Variants in SNX18 observed in about 807,000 individuals in gnomAD.
SNX18 encodes sorting nexin 18.
Under a neutral mutation model 48.7 loss-of-function variants are expected in SNX18, and 35 were observed. The ratio of observed to expected loss-of-function variants is 0.72; its 90% confidence interval spans 0.55 to 0.95. SNX18 has a LOEUF of 0.95. Ranked by LOEUF, SNX18 falls within the 40% of genes least tolerant of loss-of-function variation. SNX18 has a pLI of 0.00. For synonymous variants in SNX18, 492 were observed against 384.7 expected, an observed-to-expected ratio of 1.28 and a Z score of -3.26; for missense variants, 824 against 871.0, an observed-to-expected ratio of 0.95 and a Z score of 0.68.
intron 1 of SNX18, among the ~76,000 whole-genome samples, chr5:54,540,571 A>G (rs982703340): frequency 1.4e-5 from 2 of 142,794 alleles, no homozygotes; most frequent in Non-Finnish European, 1.6e-5. Flanking sequence ...GTAATTCTAT[A>G]TAACACAGTG....
the SNX18 span, among the ~76,000 whole-genome samples, chr5:54,617,193 C>G: frequency 6.6e-6 from 1 of 152,240 alleles, no homozygotes; most frequent in East Asian, 1.9e-4. Context: ...AAGGCCTCTC[C>G]TTTCCATGGG....
intron 1 of SNX18, among the ~76,000 whole-genome samples, chr5:54,525,188 A>G (rs185796819): frequency 6.0e-4 from 92 of 152,332 alleles, no homozygotes; most frequent in Admixed American, 1.8e-3. Context: ...ATTAAATGTT[A>G]TAGTTCATAG....
downstream of SNX18, among the ~76,000 whole-genome samples, chr5:54,547,203 C>T (rs770341599): frequency 1.4e-4 from 21 of 152,140 alleles, no homozygotes; most frequent in Non-Finnish European, 2.6e-4. Flanking sequence ...AAATCACCTA[C>T]GGTTTGGGGA....
intron 1 of SNX18, among the ~76,000 whole-genome samples, chr5:54,537,055 C>T (rs1446413683): frequency 6.6e-6 from 1 of 152,118 alleles, no homozygotes; most frequent in East Asian, 1.9e-4. Flanking sequence ...TCAGGCTGGG[C>T]GCTGCAGCTT....
chr5:54,522,069 C>T (rs771312445), intron 1 of SNX18, among the ~76,000 whole-genome samples: 31 of 152,160 alleles, frequency 2.0e-4, no homozygotes, highest in Non-Finnish European at 7.3e-5. Flanking sequence ...GTGTAATGTA[C>T]AGTGAACCTG....
At chr5:54,633,268 G>C in the SNX18 span, among the ~76,000 whole-genome samples, 1 of 152,136 alleles carries the variant, frequency 6.6e-6, no homozygotes, top group Non-Finnish European at 1.5e-5. Flanking sequence ...AATAGAAAGA[G>C]CAAAGGACTG....
At chr5:54,631,261 T>C in the SNX18 span, among the ~76,000 whole-genome samples, 1 of 152,234 alleles carries the variant, frequency 6.6e-6, no homozygotes, top group Non-Finnish European at 1.5e-5. Context: ...AAATCCTCTC[T>C]AAAGGAATGT....
the SNX18 span, among the ~76,000 whole-genome samples, chr5:54,630,048 C>A: frequency 6.6e-6 from 1 of 152,106 alleles, no homozygotes; most frequent in Non-Finnish European, 1.5e-5. Context: ...GGATTTGAAC[C>A]GAGAGTTTGG....
chr5:54,532,819 T>G (rs1287184778), intron 1 of SNX18, among the ~76,000 whole-genome samples: 1 of 152,240 alleles, frequency 6.6e-6, no homozygotes, highest in Non-Finnish European at 1.5e-5. Flanking sequence ...TACAATCATG[T>G]GATTTCTCTC....
intron 1 of SNX18, among the ~76,000 whole-genome samples, chr5:54,526,212 C>T (rs975349947): frequency 5.9e-5 from 9 of 152,308 alleles, no homozygotes; most frequent in Admixed American, 5.2e-4. Context: ...TCAAATGATT[C>T]TCCTGCCTCA....
At chr5:54,542,225 T>C (rs776926715) in intron 1 of SNX18, among the ~76,000 whole-genome samples, 1 of 152,218 alleles carries the variant, frequency 6.6e-6, no homozygotes, top group Non-Finnish European at 1.5e-5. Flanking sequence ...TTTGTGTCTT[T>C]GTATGACTGT....
chr5:54,542,927 A>G (rs772674560), intron 1 of SNX18, among the ~76,000 whole-genome samples: 1 of 152,184 alleles, frequency 6.6e-6, no homozygotes, highest in Non-Finnish European at 1.5e-5. Context: ...ATGGGATACT[A>G]CAGATTCTTG....
At position 54,518,142 on chromosome 5, in the gene SNX18, C is replaced by A; in HGVS notation, c.190C>A (p.Pro64Thr). 1 of 1,411,168 alleles carries A rather than the reference C, an allele frequency of 7.1e-7. No homozygotes were observed. The highest frequency in any genetic ancestry group is 3.1e-5 in the East Asian group (1 of 32,786). 87.4% of individuals were successfully genotyped at this position (1,411,168 alleles called of 1,614,324 possible). A position where few individuals can be genotyped will look rare whatever the true frequency, so the allele number is the denominator to read the frequency against. Reference sequence around the variant, plus strand: ...TGTGCAGGTGATCCGCGCCCCCGAGCCTGGCCCGGCGGGAGACGGCGGCCC... The same window carrying A: ...TGTGCAGGTGATCCGCGCCCCCGAGACTGGCCCGGCGGGAGACGGCGGCCC... ...SYVQVIRAPE[P>T]GPAGDGGPGA... The change falls in exon 1 of 2, where the codon CCT (proline) becomes ACT (threonine). Residue 64 changes from proline (P) to threonine (T), a missense_variant. Around this residue, in one of 3 missense-constraint regions of SNX18, gnomAD observed 377 missense variants for 350.6 expected, o/e 1.08. Transcript: ENST00000381410.
chr5:54,571,569 C>G, the SNX18 span, among the ~76,000 whole-genome samples: 1 of 151,978 alleles, frequency 6.6e-6, no homozygotes, highest in African/African-American at 2.4e-5. Context: ...TCATTGAGGA[C>G]TGACGGATTG....
chr5:54,534,970 A>G (rs1580104321), intron 1 of SNX18, among the ~76,000 whole-genome samples: 2 of 152,222 alleles, frequency 1.3e-5, no homozygotes, highest in East Asian at 3.8e-4. Context: ...TATGCTGTGT[A>G]AATACTGTGA....
chr5:54,518,090 C>T lies in SNX18; in HGVS notation c.138C>T (p.Gly46=). ...GGCTCGAGGGGGTCAACAGCCGCGG[C>T]GACCGCGGCCTCTTCCCGGCCTCCT... The part of the protein sequence containing the change: ...EGWLEGVNSR[G]DRGLFPASYV... The change falls in exon 1 of 2, where the codon GGC becomes GGT. Residue 46 remains glycine (G), a synonymous_variant. Transcript: ENST00000381410. 4 of 1,525,674 alleles carry T rather than the reference C, an allele frequency of 2.6e-6. No individual in the cohort carries two copies. Among genetic ancestry groups the T allele is most frequent in the South Asian group, 1.2e-5 (1 of 82,158 alleles). The allele number at this position is 1,525,674 out of a possible 1,614,324, so 94.5% of individuals were successfully genotyped here.
downstream of SNX18, among the ~76,000 whole-genome samples, chr5:54,547,992 A>T (rs933840300): frequency 6.6e-6 from 1 of 152,192 alleles, no homozygotes. Context: ...CTGCTGTGCT[A>T]GGGCTCCATG....
At chr5:54,551,147 G>A (rs1184082429), downstream of SNX18, among the ~76,000 whole-genome samples, 1 of 151,606 alleles carries the variant, frequency 6.6e-6, no homozygotes, top group African/African-American at 2.4e-5. Context: ...CAACCCCTTC[G>A]AGACCTGGAA....
chr5:54,647,754 T>C, the SNX18 span, among the ~76,000 whole-genome samples: 1 of 152,162 alleles, frequency 6.6e-6, no homozygotes, highest in Non-Finnish European at 1.5e-5. Flanking sequence ...GAAGGCTAAG[T>C]AGCAGATCAT....
Sources: allele counts gnomAD v4.1 joint callset (sites outside exome capture counted in the v4.1 genomes callset), GRCh38; gene constraint gnomAD v4.1.1; regional missense constraint gnomAD v4.1.1; transcripts MANE v1.5; gene names NCBI Gene and HGNC (gene_info 2026-07-23, HGNC 2026-07-21).